The following PRELID2 variants were observed in gnomAD, a reference collection of about 807,000 sequenced individuals.
PRELID2 encodes PRELI domain-containing protein 2.
In PRELID2, 25 loss-of-function variants were observed where a neutral mutation model predicts 28.4. That is an observed-to-expected ratio of 0.88 (90% CI 0.64 to 1.23). The LOEUF is 1.23. PRELID2 is among the 50% of genes most tolerant of loss of function. The pLI, the probability that PRELID2 is intolerant of heterozygous loss-of-function variation, is 0.00. For missense variants in PRELID2, 201 were observed against 214.4 expected, an observed-to-expected ratio of 0.94 and a Z score of 0.39; for synonymous variants, 76 against 71.6, an observed-to-expected ratio of 1.06 and a Z score of -0.31.
the PRELID2 span, among the ~76,000 whole-genome samples, chr5:145,271,461 C>T: frequency 2.0e-5 from 3 of 152,088 alleles, no homozygotes; most frequent in African/African-American, 7.2e-5. Context: ...AGTGATCCTC[C>T]TACCTCAGCC....
chr5:145,689,753 G>A (rs1485375972), intron 1 of PRELID2, among the ~76,000 whole-genome samples: 2 of 152,182 alleles, frequency 1.3e-5, no homozygotes, highest in Non-Finnish European at 2.9e-5. Context: ...GCATTCAGAA[G>A]ATCATGGCAG....
intron 1 of PRELID2, among the ~76,000 whole-genome samples, chr5:145,555,457 G>A (rs903097136): frequency 3.9e-5 from 6 of 152,118 alleles, no homozygotes; most frequent in East Asian, 1.9e-4. Flanking sequence ...ATGTCAATAC[G>A]TATAACACTT....
the PRELID2 span, among the ~76,000 whole-genome samples, chr5:145,425,780 G>T: frequency 3.3e-5 from 5 of 152,070 alleles, no homozygotes; most frequent in South Asian, 2.1e-4. Context: ...CGGGAATGAC[G>T]ATGGCACACA....
intron 1 of PRELID2, among the ~76,000 whole-genome samples, chr5:145,575,308 C>G (rs376288518): frequency 1.1e-4 from 16 of 152,228 alleles, no homozygotes; most frequent in African/African-American, 3.9e-4. Flanking sequence ...CAGGAAGATG[C>G]CTGAGGGACT....
rs569155385 is a variant in PRELID2 at position 145,759,234 on chromosome 5, C to A, written c.*1302G>T. ...GCCAGGCTGGTCTCGAACTCCTGACCTTGTGATCCACCCGCCTCGGCCTCC... is the reference window on the plus strand; with the variant it reads ...GCCAGGCTGGTCTCGAACTCCTGACATTGTGATCCACCCGCCTCGGCCTCC... On this transcript the variant is annotated 3_prime_UTR_variant, in exon 7 of 7. Coordinates refer to ENST00000683046, the MANE Select transcript of PRELID2 (RefSeq NM_205846.3). 1.3e-5 allele frequency: 2 copies of A among 152,188 alleles called. No homozygotes were observed. The highest frequency in any genetic ancestry group is 4.8e-5 in the African/African-American group (2 of 41,534). 9.4% of individuals were successfully genotyped at this position (152,188 alleles called of 1,614,324 possible).
chr5:145,501,413 C>T (rs1431147559), intron 1 of PRELID2, among the ~76,000 whole-genome samples: 1 of 152,142 alleles, frequency 6.6e-6, no homozygotes, highest in Non-Finnish European at 1.5e-5. Context: ...GCTGTGTCCC[C>T]ACCCAAATCT....
chr5:145,723,156 T>C (rs955910134), intron 1 of PRELID2, among the ~76,000 whole-genome samples: 6 of 152,092 alleles, frequency 3.9e-5, no homozygotes, highest in Non-Finnish European at 7.4e-5. Context: ...TACAAGCAAA[T>C]AGAATTCATC....
chr5:145,641,869 A>G (rs573399171), intron 1 of PRELID2, among the ~76,000 whole-genome samples: 306 of 152,336 alleles, frequency 2.0e-3, no homozygotes, highest in African/African-American at 6.9e-3. Context: ...GCTGCATAGT[A>G]TTCCATGGTG....
At chr5:145,356,807 G>A in the PRELID2 span, among the ~76,000 whole-genome samples, 1 of 152,192 alleles carries the variant, frequency 6.6e-6, no homozygotes, top group South Asian at 2.1e-4. Context: ...GTTGTTAGCA[G>A]ATTATTATGC....
chr5:145,375,980 T>G, the PRELID2 span, among the ~76,000 whole-genome samples: 1 of 152,212 alleles, frequency 6.6e-6, no homozygotes, highest in Admixed American at 6.5e-5. Context: ...GTGCCAGTTT[T>G]CACTGGAAAT....
chr5:145,586,504 T>C (rs961338473), intron 1 of PRELID2, among the ~76,000 whole-genome samples: 1 of 152,100 alleles, frequency 6.6e-6, no homozygotes. Context: ...TAACATTGCT[T>C]AAGTGCCCTT....
At chr5:145,318,981 T>A in the PRELID2 span, among the ~76,000 whole-genome samples, 267 of 152,184 alleles carry the variant, frequency 1.8e-3, 1 homozygote, top group African/African-American at 6.2e-3. Context: ...AGTTTGGCGG[T>A]CCCACAGCCG....
At chr5:145,694,882 G>T (rs113726755) in intron 1 of PRELID2, among the ~76,000 whole-genome samples, 2 of 151,922 alleles carry the variant, frequency 1.3e-5, no homozygotes, top group Non-Finnish European at 2.9e-5. Flanking sequence ...ATGTTTAAAG[G>T]GTAGTCATGC....
chr5:145,728,496 C>T, intron 1 of PRELID2: 1 of 685,094 alleles, frequency 1.5e-6, no homozygotes, highest in South Asian at 1.6e-5. Flanking sequence ...CCTCCCAAAG[C>T]AGGAAAACCA....
At chr5:145,337,121 T>C in the PRELID2 span, among the ~76,000 whole-genome samples, 1 of 150,430 alleles carries the variant, frequency 6.6e-6, no homozygotes, top group Non-Finnish European at 1.5e-5. Flanking sequence ...ATAATAATAA[T>C]AATAATAAAA....
At chr5:145,229,800 C>T in the PRELID2 span, 179,741 of 757,754 alleles carry the variant, frequency 0.24, 24,916 homozygotes, top group Non-Finnish European at 0.28. Context: ...CTGACATAGC[C>T]CTGAGTGTGA....
At chr5:145,552,824 C>G (rs1752848900) in intron 1 of PRELID2, among the ~76,000 whole-genome samples, 1 of 152,114 alleles carries the variant, frequency 6.6e-6, no homozygotes, top group South Asian at 2.1e-4. Flanking sequence ...TAACTACTTT[C>G]TAGGTATTCA....
intron 1 of PRELID2, among the ~76,000 whole-genome samples, chr5:145,829,657 C>T (rs1277662060): frequency 6.6e-6 from 1 of 152,124 alleles, no homozygotes; most frequent in African/African-American, 2.4e-5. Context: ...CTGTCTTCCC[C>T]ACCCCATCCA....
chr5:145,471,016 A>G (rs903642350), downstream of PRELID2, among the ~76,000 whole-genome samples: 21 of 152,110 alleles, frequency 1.4e-4, no homozygotes, highest in Non-Finnish European at 1.8e-4. Context: ...TAGGGACACA[A>G]TGACAATTAC....
Sources: gnomAD v4.1 joint callset for allele counts (sites outside exome capture counted in the v4.1 genomes callset) on GRCh38, gnomAD v4.1.1 for gene constraint, MANE v1.5 for transcripts, NCBI Gene and HGNC (gene_info 2026-07-23, HGNC 2026-07-21) for gene names.